ADAM23: variants seen among roughly 807,000 people sequenced by gnomAD.
The protein encoded by ADAM23 is disintegrin and metalloproteinase domain-containing protein 23.
ADAM23 carries 33 observed loss-of-function variants against 120.1 expected under a neutral mutation model. The ratio of observed to expected loss-of-function variants is 0.27; its 90% CI spans 0.21 to 0.37. The LOEUF (loss-of-function observed/expected upper bound fraction) is 0.37, where lower values mean the gene tolerates loss of function less well. Ranked by LOEUF, ADAM23 falls within the 10% of genes least tolerant of loss-of-function variation. The probability of loss-of-function intolerance (pLI) is 1.00; values close to 1 mark genes in which losing one functional copy is unlikely to be tolerated. For missense variants in ADAM23, 862 were observed against 1,058.2 expected (o/e 0.81, Z 2.57); for synonymous variants, 367 against 375.2 (o/e 0.98, Z 0.25).
At chr2:206,514,273 C>T (rs1370152693) in intron 3 of ADAM23, among the ~76,000 whole-genome samples, 1 of 152,262 alleles carries the variant, frequency 6.6e-6, no homozygotes, top group Middle Eastern at 3.4e-3. Context: ...ATTCTGGATT[C>T]CATTAAGAAC....
In ADAM23 at chr2:206,443,947, C is replaced by G; in HGVS notation, c.81C>G (p.Arg27=). The G allele has an allele frequency of 7.9e-7, 1 of 1,262,190 alleles. No individual in the cohort carries two copies. Among genetic ancestry groups the G allele is most frequent in the Non-Finnish European group, 9.9e-7 (1 of 1,008,152 alleles). The allele number at this position is 1,262,190 out of a possible 1,614,324, so 78.2% of individuals were successfully genotyped here. A position where few individuals can be genotyped will look rare whatever the true frequency, so the allele number is the denominator to read the frequency against. ...CCGGCGCTTCCTGCGGCCCCCAACG[C>G]GGCCCCGCCGGCTCGGTGCCTGCCA... ...SLAGASCGPQ[R]GPAGSVPASA... The change falls in exon 1 of 26, where the codon CGC becomes CGG. Residue 27 remains arginine (R), a synonymous_variant. Coordinates refer to ENST00000264377, the MANE Select transcript of ADAM23 (RefSeq NM_003812.4).
At chr2:206,524,741 C>T (rs779889767) in intron 3 of ADAM23, among the ~76,000 whole-genome samples, 1 of 152,150 alleles carries the variant, frequency 6.6e-6, no homozygotes, top group Non-Finnish European at 1.5e-5. Flanking sequence ...GAAACTGCCT[C>T]CCATGAATCA....
chr2:206,455,519 A>G (rs1271577992), intron 2 of ADAM23, among the ~76,000 whole-genome samples: 1 of 152,212 alleles, frequency 6.6e-6, no homozygotes, highest in Non-Finnish European at 1.5e-5. Flanking sequence ...CTCCTGAGAA[A>G]ATGGGTTTGT....
In ADAM23 at chr2:206,443,933, T is replaced by C. The variant is rs1278483611; in HGVS notation, c.67T>C (p.Cys23Arg). 1.9e-5 allele frequency: 24 copies of C among 1,240,556 alleles called. No homozygotes were observed. In the South Asian group the frequency reaches 7.7e-4, roughly 40 times the overall value. 76.8% of individuals were successfully genotyped at this position (1,240,556 alleles called of 1,614,324 possible). ...GGGCTGCAGCCTTGCCGGCGCTTCCTGCGGCCCCCAACGCGGCCCCGCCGG... is the reference window on the plus strand; with the variant it reads ...GGGCTGCAGCCTTGCCGGCGCTTCCCGCGGCCCCCAACGCGGCCCCGCCGG... ...LAGCSLAGAS[C>R]GPQRGPAGSV... Residue 23 changes from cysteine (C) to arginine (R), a missense_variant, in exon 1 of 26, where the codon TGC (cysteine) becomes CGC (arginine). By Grantham distance (180) the Cys-to-Arg change is radical. Coordinates refer to ENST00000264377, the MANE Select transcript of ADAM23 (RefSeq NM_003812.4).
rs150562881 is a variant in ADAM23 at position 206,560,030 on chromosome 2, A to G, written c.1081A>G (p.Ile361Val). 3 of 1,614,030 alleles carry G rather than the reference A, an allele frequency of 1.9e-6. No individual in the cohort carries two copies. In the African/African-American group the frequency reaches 4.0e-5, roughly 22 times the overall value. The change falls in exon 11 of 26, where the codon ATC becomes GTC. Residue 361 changes from isoleucine to valine, a missense_variant. Physicochemically the swap from Ile to Val is conservative, Grantham distance 29. Transcript: ENST00000264377. The part of the protein sequence containing the change: ...ETWTEKDQID[I>V]TTNPVQMLHE... ...CTGGACTGAGAAGGATCAGATTGAC[A>G]TCACCACCAACCCTGTGCAGATGCT...
chr2:206,474,875 G>A (rs1400068987), intron 2 of ADAM23, among the ~76,000 whole-genome samples: 1 of 152,070 alleles, frequency 6.6e-6, no homozygotes. Context: ...GCGCCTGGCC[G>A]TCAGTTGCAT....
intron 6 of ADAM23, 66 bp downstream of exon 6, chr2:206,543,382 AAAGAG>A (rs1697332255): frequency 3.1e-6 from 4 of 1,306,594 alleles, no homozygotes; most frequent in Non-Finnish European, 4.4e-6. Context: ...TTTGAGAAGA[AAAGAG>A]AAAAGAGTGT....
chr2:206,533,329 G>T (rs1461062335), intron 4 of ADAM23, among the ~76,000 whole-genome samples: 1 of 152,016 alleles, frequency 6.6e-6, no homozygotes, highest in Non-Finnish European at 1.5e-5. Flanking sequence ...AGTCTCCCAA[G>T]TCGCTGGGAT....
intron 9 of ADAM23, among the ~76,000 whole-genome samples, chr2:206,554,931 T>A (rs1036858493): frequency 3.3e-5 from 5 of 152,182 alleles, no homozygotes; most frequent in African/African-American, 1.2e-4. Flanking sequence ...AAATTTTATT[T>A]CATCTCTTGG....
chr2:206,550,206 A>T, intron 9 of ADAM23, 46 bp downstream of exon 9: 1 of 1,193,938 alleles, frequency 8.4e-7, no homozygotes, highest in South Asian at 1.6e-5. Flanking sequence ...AGCTTACTTA[A>T]GAAAGAATAC....
Position 206,619,637 on chromosome 2 carries a change from C to T in ADAM23, c.*2010C>T, listed in dbSNP as rs1335306393. 2 of 152,002 alleles carry T rather than the reference C, an allele frequency of 1.3e-5. No individual in the cohort carries two copies. Among genetic ancestry groups the T allele is most frequent in the Non-Finnish European group, 2.9e-5 (2 of 68,030 alleles). The allele number at this position is 152,002 out of a possible 1,614,324, so 9.4% of individuals were successfully genotyped here. Reference sequence around the variant, plus strand: ...AAGATTCATGTTATCCGTCTTACAACTTTGATTTTGGAAAGTATTATGTCC... The same window carrying T: ...AAGATTCATGTTATCCGTCTTACAATTTTGATTTTGGAAAGTATTATGTCC... On this transcript the variant is annotated 3_prime_UTR_variant, in exon 26 of 26. Transcript: ENST00000264377.
chr2:206,592,090 C>T (rs989549201), intron 21 of ADAM23, among the ~76,000 whole-genome samples: 4 of 152,152 alleles, frequency 2.6e-5, no homozygotes, highest in African/African-American at 9.7e-5. Flanking sequence ...GCCCCTCCAT[C>T]CTGTAACCCT....
chr2:206,481,321 A>G lies in ADAM23; in HGVS notation c.509+13A>G. ...TCATACTGAACAAGTGAGTATTTAG[A>G]CATAATCTTCTTAAGAAGCAGGTGC... On this transcript the variant is annotated intron_variant, in intron 3 of 25. Coordinates refer to ENST00000264377, the MANE Select transcript of ADAM23 (RefSeq NM_003812.4). 1 of 1,564,218 alleles carries G rather than the reference A, an allele frequency of 6.4e-7. No individual in the cohort carries two copies. Among genetic ancestry groups the G allele is most frequent in the Non-Finnish European group, 8.6e-7 (1 of 1,157,000 alleles).
At chr2:206,454,630 A>G (rs1270313247) in intron 2 of ADAM23, among the ~76,000 whole-genome samples, 2 of 152,228 alleles carry the variant, frequency 1.3e-5, no homozygotes, top group Non-Finnish European at 2.9e-5. Context: ...TCTACCTGTG[A>G]GTCTGTAAAA....
At chr2:206,524,776 A>G (rs1696911370) in intron 3 of ADAM23, among the ~76,000 whole-genome samples, 1 of 152,200 alleles carries the variant, frequency 6.6e-6, no homozygotes, top group African/African-American at 2.4e-5. Context: ...GGTCCCTCCC[A>G]CAACACGTGG....
At chr2:206,477,456 C>T (rs1321538619) in intron 2 of ADAM23, among the ~76,000 whole-genome samples, 2 of 152,252 alleles carry the variant, frequency 1.3e-5, no homozygotes, top group African/African-American at 4.8e-5. Flanking sequence ...AGCCCAGGGA[C>T]ATGCTCATTC....
In ADAM23 at chr2:206,481,270, C is replaced by T. The variant is rs202037149; in HGVS notation, c.471C>T (p.Ala157=). ...HLAQASFQIE[A]FGSKFILDLI... ...CCCAGGCAAGCTTCCAGATTGAAGC[C>T]TTCGGCTCCAAATTCATTCTTGACC... is the stretch of plus-strand genomic sequence containing the variant. The change falls in exon 3 of 26, where the codon GCC becomes GCT. Residue 157 remains alanine, a synonymous_variant. Coordinates refer to ENST00000264377, the MANE Select transcript of ADAM23 (RefSeq NM_003812.4). 34 of 1,609,626 alleles carry T rather than the reference C, an allele frequency of 2.1e-5. No individual in the cohort carries two copies. Among genetic ancestry groups the T allele is most frequent in the African/African-American group, 2.7e-5 (2 of 74,636 alleles).
In ADAM23 at chr2:206,531,085, G is replaced by A. The variant is rs1697052206; in HGVS notation, c.573+137G>A. ...TTTACAATGATACTATTTTTAGTGA[G>A]GAGAAATTTATTAAAATATACAAAT... On this transcript the variant is annotated intron_variant, in intron 4 of 25. Coordinates refer to ENST00000264377, the MANE Select transcript of ADAM23 (RefSeq NM_003812.4). 2.9e-5 allele frequency: 18 copies of A among 618,456 alleles called. No individual in the cohort carries two copies. The South Asian group carries it at 4.4e-4, about 15-fold the overall frequency. The allele number at this position is 618,456 out of a possible 1,614,324, so 38.3% of individuals were successfully genotyped here.
intron 22 of ADAM23, among the ~76,000 whole-genome samples, chr2:206,593,155 A>G (rs7565709): frequency 0.72 from 110,005 of 152,050 alleles, 40,033 homozygotes; most frequent in Middle Eastern, 0.74. Context: ...GGCTTAACAA[A>G]TACCTAATCA....
Sources: allele counts gnomAD v4.1 joint callset (sites outside exome capture counted in the v4.1 genomes callset), GRCh38; gene constraint gnomAD v4.1.1; transcripts MANE v1.5; gene names NCBI Gene and HGNC (gene_info 2026-07-23, HGNC 2026-07-21).